RORA: variants seen among roughly 807,000 people sequenced by gnomAD.
RORA encodes the protein nuclear receptor ROR-alpha.
A neutral mutation model predicts 69.5 loss-of-function variants in RORA; 7 were observed. That is an observed-to-expected ratio of 0.10 (90% confidence interval 0.06 to 0.19). The LOEUF is 0.19. Ranked by LOEUF, RORA falls within the 10% of genes least tolerant of loss-of-function variation. RORA has a pLI of 1.00. For synonymous variants in RORA, 261 were observed against 240.8 expected (o/e 1.08, Z -0.78); for missense variants, 457 against 663.0 (o/e 0.69, Z 3.41).
At chr15:60,748,032 A>G (rs2071672633) in intron 1 of RORA, among the ~76,000 whole-genome samples, 1 of 152,216 alleles carries the variant, frequency 6.6e-6, no homozygotes, top group Admixed American at 6.5e-5. Flanking sequence ...TTCAGTTACA[A>G]GCAAACTTGC....
At chr15:61,181,968 C>G (rs2079691142) in intron 1 of RORA, among the ~76,000 whole-genome samples, 1 of 152,066 alleles carries the variant, frequency 6.6e-6, no homozygotes, top group Non-Finnish European at 1.5e-5. Context: ...GGATGTATAC[C>G]CTTTTGTGAG....
rs1403184166 is a variant in RORA at position 60,567,104 on chromosome 15, G to A, written c.197-35253C>T. Reference sequence around the variant, plus strand: ...AAAACCATTAATCTGCTTCCATAACGAGCTAGCCTATGAGTTTTTAAAATA... The same window carrying A: ...AAAACCATTAATCTGCTTCCATAACAAGCTAGCCTATGAGTTTTTAAAATA... On this transcript the variant is annotated intron_variant, in intron 2 of 10. Coordinates refer to ENST00000335670, the MANE Select transcript of RORA (RefSeq NM_134261.3). 2.6e-5 allele frequency among the ~76,000 whole-genome samples: 4 copies of A among 151,654 alleles called. No homozygotes were observed. In the East Asian group the frequency reaches 5.8e-4, roughly 22 times the overall value.
intron 1 of RORA, among the ~76,000 whole-genome samples, chr15:61,072,615 C>CT (rs1407990946): frequency 7.2e-5 from 11 of 152,154 alleles, no homozygotes; most frequent in Admixed American, 1.3e-4. Flanking sequence ...AAGTTGGTGT[C>CT]TTTTTTTCTA....
chr15:61,207,045 T>C lies in RORA; in HGVS notation c.166+22008A>G, dbSNP rs565312013. ...GGCTTTCGTAGGCCTCATCCCACTA[T>C]GCAGTTAGAAGAATATGTGTCTGTG... On this transcript the variant is annotated intron_variant, in intron 1 of 10. Coordinates refer to ENST00000335670, the MANE Select transcript of RORA (RefSeq NM_134261.3). Among the ~76,000 whole-genome samples, 6 of 152,290 alleles carry C rather than the reference T, an allele frequency of 3.9e-5. No individual in the cohort carries two copies. In the South Asian group the frequency reaches 6.2e-4, roughly 16 times the overall value.
chr15:60,792,332 A>C (rs779653854), intron 1 of RORA, among the ~76,000 whole-genome samples: 16 of 152,196 alleles, frequency 1.1e-4, no homozygotes, highest in Non-Finnish European at 2.2e-4. Flanking sequence ...AACAGTATAC[A>C]TATATGAAAT....
intron 1 of RORA, among the ~76,000 whole-genome samples, chr15:60,916,376 CAG>C (rs1320205429): frequency 6.6e-6 from 1 of 152,198 alleles, no homozygotes; most frequent in Non-Finnish European, 1.5e-5. Flanking sequence ...GACAAACGTG[CAG>C]ACAGTCTAAA....
intron 1 of RORA, among the ~76,000 whole-genome samples, chr15:60,943,070 G>T (rs913130719): frequency 6.6e-6 from 1 of 152,160 alleles, no homozygotes; most frequent in Admixed American, 6.5e-5. Context: ...CTGGAGTCAG[G>T]GTACCTGTAT....
rs34707279 is a variant in RORA, at chr15:60,517,110, C to CTTTTTTTTTTTTTTTTTTTTTT, written c.283-2354_283-2353insAAAAAAAAAAAAAAAAAAAAAA. Among the ~76,000 whole-genome samples the CTTTTTTTTTTTTTTTTTTTTTT allele has an allele frequency of 9.8e-4, 139 of 141,220 alleles. 6 individuals carry two copies. The highest frequency in any genetic ancestry group is 3.8e-3 in the African/African-American group (134 of 35,454). The allele number at this position is 141,220 out of a possible 152,430, so 92.6% of individuals were successfully genotyped here. On this transcript the variant is annotated intron_variant, in intron 3 of 10. Coordinates refer to ENST00000335670, the MANE Select transcript of RORA (RefSeq NM_134261.3). ...TTATTTTTCTTTTTGTTCATCTGTGCTTTTTTTTTTTTTCCCCCCTACAAT... is the reference window on the plus strand; with the variant it reads ...TTATTTTTCTTTTTGTTCATCTGTGCTTTTTTTTTTTTTTTTTTTTTTTTTTTTTTTTTTTCCCCCCTACAAT...
intron 2 of RORA, chr15:60,593,067 A>G (rs1250633156): frequency 7.7e-6 from 3 of 391,712 alleles, no homozygotes; most frequent in African/African-American, 2.1e-5. Flanking sequence ...GCCGTGGAGA[A>G]CGAAGCCACT....
In RORA at chr15:60,583,281, C is replaced by G. The variant is rs1024196516; in HGVS notation, c.197-51430G>C. ...GAGCCTGGACACTGGCAGATACACA[C>G]CAGATGCTCAGTGCCTGAGAAAGGC... On this transcript the variant is annotated intron_variant, in intron 2 of 10. Transcript: ENST00000335670. Among the ~76,000 whole-genome samples the G allele has an allele frequency of 3.9e-5, 6 of 152,238 alleles. No homozygotes were observed. In the East Asian group the frequency reaches 1.2e-3, roughly 29 times the overall value.
chr15:60,951,224 A>G (rs1318520746), intron 1 of RORA, among the ~76,000 whole-genome samples: 2 of 151,634 alleles, frequency 1.3e-5, no homozygotes, highest in African/African-American at 4.9e-5. Context: ...AGAAATAAAG[A>G]TGTTCTTTGA....
Position 60,511,534 on chromosome 15 carries a change from T to C in RORA, c.512A>G (p.Asp171Gly), listed in dbSNP as rs776716227. The C allele has an allele frequency of 6.2e-7, 1 of 1,614,196 alleles. No homozygotes were observed. Among genetic ancestry groups the C allele is most frequent in the Non-Finnish European group, 8.5e-7 (1 of 1,180,020 alleles). ...AGCCTCTCCAGGCTGCTGCTGGTGG[T>C]CGCGCTGCTGCTGCTGCATCCGGTG... is the stretch of plus-strand genomic sequence containing the variant. ...QKHRMQQQQR[D>G]HQQQPGEAEP... The change falls in exon 5 of 11, where the codon GAC becomes GGC. Residue 171 changes from aspartate to glycine, a missense_variant. Coordinates refer to ENST00000335670, the MANE Select transcript of RORA (RefSeq NM_134261.3). The surrounding 1 kb of genome is among the most constrained non-coding windows in gnomAD (Gnocchi z 6.4).
At chr15:60,880,602 G>A (rs2073668517) in intron 1 of RORA, among the ~76,000 whole-genome samples, 1 of 152,074 alleles carries the variant, frequency 6.6e-6, no homozygotes, top group Non-Finnish European at 1.5e-5. Flanking sequence ...TCATGCCACT[G>A]CACTCCAGCC....
chr15:61,103,757 G>A (rs548315277), intron 1 of RORA, among the ~76,000 whole-genome samples: 1 of 152,256 alleles, frequency 6.6e-6, no homozygotes, highest in East Asian at 1.9e-4. Context: ...TTATGTGTGG[G>A]CAACACCAGG....
At chr15:60,958,436 G>A (rs1217454707) in intron 1 of RORA, among the ~76,000 whole-genome samples, 3 of 152,068 alleles carry the variant, frequency 2.0e-5, no homozygotes, top group Non-Finnish European at 2.9e-5. Context: ...AGAGGAAAGT[G>A]GGATTTTATA....
chr15:60,850,136 G>A (rs1011904635), intron 1 of RORA, among the ~76,000 whole-genome samples: 4 of 152,132 alleles, frequency 2.6e-5, no homozygotes, highest in Admixed American at 2.6e-4. Context: ...TCATGGAGCT[G>A]GTCCCAAGAA....
intron 1 of RORA, among the ~76,000 whole-genome samples, chr15:61,185,185 TC>T (rs1034814033): frequency 4.6e-5 from 7 of 152,046 alleles, no homozygotes; most frequent in Non-Finnish European, 1.0e-4. Context: ...TTTGGATGTG[TC>T]CCTCTGTAAA....
At position 60,712,633 on chromosome 15, in the gene RORA, A is replaced by G. The variant is rs143685416; in HGVS notation, c.167-33947T>C. Among the ~76,000 whole-genome samples, 11 of 152,338 alleles carry G rather than the reference A, an allele frequency of 7.2e-5. No individual in the cohort carries two copies. The East Asian group carries it at 1.9e-3, about 27-fold the overall frequency. On this transcript the variant is annotated intron_variant, in intron 1 of 10. Transcript: ENST00000335670. ...GGCATTACATGACGGACTGGACCCAATTCAAGCTCTGGTACTTGTTCCCGA... is the reference window on the plus strand; with the variant it reads ...GGCATTACATGACGGACTGGACCCAGTTCAAGCTCTGGTACTTGTTCCCGA...
At chr15:60,525,081 C>T (rs2066304783) in intron 3 of RORA, among the ~76,000 whole-genome samples, 1 of 151,778 alleles carries the variant, frequency 6.6e-6, no homozygotes, top group Admixed American at 6.5e-5. Context: ...AAAAGATGAA[C>T]AAACAACAAA....
Sources: gnomAD v4.1 joint callset for allele counts (sites outside exome capture counted in the v4.1 genomes callset) on GRCh38, gnomAD v4.1.1 for gene constraint, Gnocchi (gnomAD v3.1) non-coding constraint, MANE v1.5 for transcripts, NCBI Gene and HGNC (gene_info 2026-07-23, HGNC 2026-07-21) for gene names.